The following FAM168A variants were observed in gnomAD, a reference collection of about 807,000 sequenced individuals.
The protein encoded by FAM168A is family with sequence similarity 168 member A, also known as protein FAM168A.
A neutral mutation model predicts 28.5 loss-of-function variants in FAM168A; 3 were observed. The observed-to-expected ratio is 0.11, with a 90% confidence interval of 0.05 to 0.27. The LOEUF is 0.27. FAM168A is among the 10% of genes least tolerant of loss of function. The pLI is 1.00. For synonymous variants in FAM168A, 122 were observed against 124.2 expected (o/e 0.98, Z 0.12); for missense variants, 222 against 311.5 (o/e 0.71, Z 2.16).
At chr11:73,575,032 C>A (rs978195701) in intron 1 of FAM168A, among the ~76,000 whole-genome samples, 2 of 152,086 alleles carry the variant, frequency 1.3e-5, no homozygotes, top group Non-Finnish European at 2.9e-5. Context: ...AAGTGTGTAT[C>A]ATATCCCTAT....
intron 2 of FAM168A, among the ~76,000 whole-genome samples, chr11:73,439,969 T>C (rs764025565): frequency 7.9e-5 from 11 of 138,752 alleles, no homozygotes; most frequent in East Asian, 4.7e-4. Context: ...CACTGCAACC[T>C]CTGCCTCCCA....
chr11:73,523,036 A>AAC (rs887722084), intron 1 of FAM168A, among the ~76,000 whole-genome samples: 15 of 151,464 alleles, frequency 9.9e-5, no homozygotes, highest in South Asian at 2.1e-4. Flanking sequence ...AACAAAACAA[A>AAC]ACACACACAC....
rs546232488 is a variant in FAM168A, at chr11:73,490,406, C to G, written c.-18-21914G>C. Among the ~76,000 whole-genome samples the G allele has an allele frequency of 7.9e-5, 12 of 152,244 alleles. No individual in the cohort carries two copies. In the East Asian group the frequency reaches 2.3e-3, roughly 29 times the overall value. On this transcript the variant is annotated intron_variant, in intron 1 of 7. Transcript: ENST00000356467. ...CACTCATCTAATCCTCAGTGACTTC[C>G]TACCTCACGCAGTGGAAAAGCTAAG...
chr11:73,486,118 G>A (rs751530780), intron 1 of FAM168A, among the ~76,000 whole-genome samples: 4 of 152,190 alleles, frequency 2.6e-5, no homozygotes, highest in Non-Finnish European at 5.9e-5. Flanking sequence ...TATGGGTATG[G>A]TTGACTTAGT....
intron 1 of FAM168A, among the ~76,000 whole-genome samples, chr11:73,546,665 G>C (rs1943757569): frequency 6.6e-6 from 1 of 151,224 alleles, no homozygotes; most frequent in Admixed American, 6.6e-5. Context: ...CTGGGAGGTG[G>C]AGGTTGCAGC....
chr11:73,559,832 C>T (rs1943936871), intron 1 of FAM168A, among the ~76,000 whole-genome samples: 1 of 152,188 alleles, frequency 6.6e-6, no homozygotes, highest in South Asian at 2.1e-4. Context: ...TGAGAATCCT[C>T]CCTTCACACA....
intron 2 of FAM168A, among the ~76,000 whole-genome samples, chr11:73,435,600 A>G (rs1052223977): frequency 6.6e-6 from 1 of 151,326 alleles, no homozygotes; most frequent in Admixed American, 6.6e-5. Context: ...TTATTTATTT[A>G]TTAATTACAG....
intron 1 of FAM168A, among the ~76,000 whole-genome samples, chr11:73,476,475 T>C (rs970991319): frequency 1.8e-5 from 2 of 109,108 alleles, no homozygotes; most frequent in Non-Finnish European, 3.7e-5. Context: ...GGTGGGTGGG[T>C]GGAATCCGAA....
At chr11:73,443,506 G>A (rs1046132903) in intron 2 of FAM168A, among the ~76,000 whole-genome samples, 5 of 152,120 alleles carry the variant, frequency 3.3e-5, no homozygotes, top group Non-Finnish European at 7.4e-5. Context: ...CTTTTAATCT[G>A]GTCTGGCTTC....
intron 2 of FAM168A, among the ~76,000 whole-genome samples, chr11:73,447,480 G>A (rs1241883319): frequency 6.6e-6 from 1 of 150,596 alleles, no homozygotes; most frequent in Non-Finnish European, 1.5e-5. Flanking sequence ...TTGAACCCAG[G>A]AGATCGAGGC....
At chr11:73,534,623 G>T (rs554761101) in intron 1 of FAM168A, among the ~76,000 whole-genome samples, 2 of 151,748 alleles carry the variant, frequency 1.3e-5, no homozygotes, top group Non-Finnish European at 2.9e-5. Context: ...GGCTGGTCTC[G>T]AACTCCTGAC....
At chr11:73,458,274 G>C (rs1867577118) in intron 2 of FAM168A, among the ~76,000 whole-genome samples, 1 of 152,172 alleles carries the variant, frequency 6.6e-6, no homozygotes, top group Non-Finnish European at 1.5e-5. Flanking sequence ...TTGGGAGAAA[G>C]AGTTATTCTT....
At chr11:73,591,087 T>G (rs1433003618) in intron 1 of FAM168A, among the ~76,000 whole-genome samples, 1 of 151,786 alleles carries the variant, frequency 6.6e-6, no homozygotes, top group Non-Finnish European at 1.5e-5. Flanking sequence ...GAGTTTGCAG[T>G]GAGCAGAGAT....
At chr11:73,431,468 T>C (rs1866993023) in intron 2 of FAM168A, among the ~76,000 whole-genome samples, 1 of 152,052 alleles carries the variant, frequency 6.6e-6, no homozygotes, top group Non-Finnish European at 1.5e-5. Flanking sequence ...CATTAACAGT[T>C]TGGCATCTAT....
chr11:73,423,549 C>T (rs1313081259), intron 3 of FAM168A, among the ~76,000 whole-genome samples: 1 of 152,184 alleles, frequency 6.6e-6, no homozygotes, highest in Non-Finnish European at 1.5e-5. Context: ...AGGAGCTTCA[C>T]ATCTCCATGT....
rs1379283331 is a variant in FAM168A, at chr11:73,405,764, G to C, written c.*999C>G. ...TCTATGGTCAGACAGGTGAGTCCTG[G>C]CACTGGGAAGGGCAAAAGAAAAGGG... On this transcript the variant is annotated 3_prime_UTR_variant, in exon 8 of 8. Transcript: ENST00000356467. 3 of 152,190 alleles carry C rather than the reference G, an allele frequency of 2.0e-5. No homozygotes were observed. Among genetic ancestry groups the C allele is most frequent in the African/African-American group, 7.2e-5 (3 of 41,424 alleles). 9.4% of individuals were successfully genotyped at this position (152,190 alleles called of 1,614,324 possible).
intron 1 of FAM168A, among the ~76,000 whole-genome samples, chr11:73,484,381 T>C (rs1474803949): frequency 1.3e-5 from 2 of 151,830 alleles, no homozygotes; most frequent in African/African-American, 4.8e-5. Flanking sequence ...TAAATAACCA[T>C]AATTTATTCA....
At chr11:73,565,903 G>C (rs1944015818) in intron 1 of FAM168A, among the ~76,000 whole-genome samples, 1 of 152,276 alleles carries the variant, frequency 6.6e-6, no homozygotes, top group East Asian at 1.9e-4. Flanking sequence ...TAATTATGGA[G>C]GAAAACTTCC....
chr11:73,502,876 A>C (rs957669376), intron 1 of FAM168A, among the ~76,000 whole-genome samples: 1 of 152,238 alleles, frequency 6.6e-6, no homozygotes, highest in Non-Finnish European at 1.5e-5. Context: ...AATCCATCAC[A>C]TAAACAGATC....
Sources: allele counts gnomAD v4.1 joint callset (sites outside exome capture counted in the v4.1 genomes callset), GRCh38; gene constraint gnomAD v4.1.1; transcripts MANE v1.5; gene names NCBI Gene and HGNC (gene_info 2026-07-23, HGNC 2026-07-21).